The following PELI1 variants were observed in gnomAD, a reference collection of about 807,000 sequenced individuals.
PELI1 encodes E3 ubiquitin-protein ligase pellino homolog 1.
Under a neutral mutation model 41.3 loss-of-function variants are expected in PELI1, and 15 were observed. That is an observed-to-expected ratio of 0.36 (90% CI 0.24 to 0.56). The LOEUF (loss-of-function observed/expected upper bound fraction) is 0.56, where lower values mean the gene tolerates loss of function less well. Ranked by LOEUF, PELI1 falls within the 20% of genes least tolerant of loss-of-function variation. The probability of loss-of-function intolerance (pLI) is 0.82; values close to 1 mark genes in which losing one functional copy is unlikely to be tolerated. For missense variants in PELI1, 403 were observed against 525.5 expected (o/e 0.77, Z 2.28); for synonymous variants, 178 against 180.1 (o/e 0.99, Z 0.09).
In PELI1 at chr2:64,118,169, C is replaced by A. The variant is rs987204586; in HGVS notation, c.-69-9790G>T. On this transcript the variant is annotated intron_variant, in intron 1 of 6. Coordinates refer to ENST00000358912, the MANE Select transcript of PELI1 (RefSeq NM_020651.4). The stretch of plus-strand genomic sequence containing the variant: ...CACTCAGTATGATATTCTTATTTAA[C>A]CCTTTTCATTAAGAAAACAATAAAT... Among the ~76,000 whole-genome samples the A allele has an allele frequency of 7.2e-5, 11 of 152,184 alleles. No individual in the cohort carries two copies. The South Asian group carries it at 1.5e-3, about 20-fold the overall frequency.
intron 6 of PELI1, 88 bp from the exon 7 acceptor site, chr2:64,095,356 A>G (rs1680198784): frequency 1.4e-6 from 1 of 736,440 alleles, no homozygotes; most frequent in Non-Finnish European, 2.3e-6. Flanking sequence ...TCCTTACTCA[A>G]GAAATGAGGT....
At chr2:64,120,480 C>G (rs1220532811) in intron 1 of PELI1, among the ~76,000 whole-genome samples, 1 of 152,220 alleles carries the variant, frequency 6.6e-6, no homozygotes, top group East Asian at 1.9e-4. Flanking sequence ...ATAATCTCCA[C>G]CCATTAAAGT....
chr2:64,137,882 T>C (rs958411997), intron 1 of PELI1, among the ~76,000 whole-genome samples: 1 of 152,210 alleles, frequency 6.6e-6, no homozygotes, highest in Non-Finnish European at 1.5e-5. Context: ...AAATTTTTTT[T>C]TCTAAAAATA....
At chr2:64,127,076 T>A (rs1411820563) in intron 1 of PELI1, among the ~76,000 whole-genome samples, 1 of 152,208 alleles carries the variant, frequency 6.6e-6, no homozygotes, top group Non-Finnish European at 1.5e-5. Context: ...CTCTTTATAC[T>A]CTTAGAAAGA....
chr2:64,101,858 C>T (rs370037344), intron 3 of PELI1, among the ~76,000 whole-genome samples: 8 of 134,298 alleles, frequency 6.0e-5, no homozygotes, highest in Non-Finnish European at 9.1e-5. Flanking sequence ...GACAGAGTCT[C>T]GCTCTGTCGC....
In PELI1 at chr2:64,095,049, GT is replaced by G; in HGVS notation, c.909del (p.Lys303AsnfsTer7). 1 of 1,614,148 alleles carries G rather than the reference GT, an allele frequency of 6.2e-7. No individual in the cohort carries two copies. Among genetic ancestry groups the G allele is most frequent in the Non-Finnish European group, 8.5e-7 (1 of 1,179,976 alleles). ...SMKRKDVVDE[K>X]QPWVYLNCGH... ...CCGCAGTTTAGATATACCCATGGTT[GT>G]TTTTCATCTACAACGTCTTTCCTCT... On this transcript the variant is annotated frameshift_variant, in exon 7 of 7. Coordinates refer to ENST00000358912, the MANE Select transcript of PELI1 (RefSeq NM_020651.4). LOFTEE classifies it high-confidence loss of function.
intron 2 of PELI1, among the ~76,000 whole-genome samples, chr2:64,105,743 T>C (rs191853124): frequency 1.5e-4 from 23 of 152,340 alleles, no homozygotes; most frequent in Non-Finnish European, 2.2e-4. Context: ...TACTGCTTCA[T>C]TGAGGCATGA....
intron 3 of PELI1, among the ~76,000 whole-genome samples, chr2:64,102,259 A>G (rs1680465165): frequency 7.0e-6 from 1 of 142,428 alleles, no homozygotes; most frequent in South Asian, 2.2e-4. Flanking sequence ...CATGTTTTAC[A>G]TATTTCTTTC....
intron 1 of PELI1, among the ~76,000 whole-genome samples, chr2:64,138,877 A>C (rs1222193084): frequency 6.6e-6 from 1 of 152,228 alleles, no homozygotes; most frequent in Non-Finnish European, 1.5e-5. Flanking sequence ...AAACATACAC[A>C]AAAATAAAGA....
At chr2:64,119,306 C>T (rs1278423799) in intron 1 of PELI1, among the ~76,000 whole-genome samples, 1 of 152,156 alleles carries the variant, frequency 6.6e-6, no homozygotes. Flanking sequence ...TCAAATTATT[C>T]CCTTTGCAAG....
chr2:64,107,438 G>C (rs998935939), intron 2 of PELI1, among the ~76,000 whole-genome samples: 1 of 152,154 alleles, frequency 6.6e-6, no homozygotes, highest in African/African-American at 2.4e-5. Context: ...GCTAGGTCCT[G>C]GGCTTCAGAG....
intron 1 of PELI1, among the ~76,000 whole-genome samples, chr2:64,114,057 T>A (rs939789990): frequency 3.3e-5 from 5 of 152,120 alleles, no homozygotes; most frequent in Admixed American, 3.3e-4. Context: ...GCACTTCTAT[T>A]TTAGTGGGCA....
intron 1 of PELI1, among the ~76,000 whole-genome samples, chr2:64,121,429 A>G (rs1681205519): frequency 2.0e-5 from 3 of 152,210 alleles, no homozygotes; most frequent in African/African-American, 7.2e-5. Context: ...GGAAACCAAG[A>G]TATCAATAGT....
intron 1 of PELI1, among the ~76,000 whole-genome samples, chr2:64,131,994 T>C (rs866702661): frequency 6.6e-6 from 1 of 152,210 alleles, no homozygotes; most frequent in Non-Finnish European, 1.5e-5. Context: ...TTTTTCACTA[T>C]GGTAAGTTTG....
chr2:64,095,295 T>C (rs781074726), intron 6 of PELI1, 27 bp from the exon 7 acceptor site: 2 of 1,501,992 alleles, frequency 1.3e-6, no homozygotes, highest in South Asian at 2.3e-5. Flanking sequence ...TTGAAAAACA[T>C]ATTCACCACT....
chr2:64,113,888 C>T (rs6742704), intron 1 of PELI1, among the ~76,000 whole-genome samples: 1,583 of 152,098 alleles, frequency 0.01, 26 homozygotes, highest in African/African-American at 0.035. Context: ...TGTCTCTCAA[C>T]CTAACAAATG....
intron 1 of PELI1, among the ~76,000 whole-genome samples, chr2:64,132,912 C>G (rs933837550): frequency 6.6e-6 from 1 of 152,072 alleles, no homozygotes; most frequent in African/African-American, 2.4e-5. Context: ...ATAATATGAT[C>G]CTTAGGTAAT....
At position 64,096,425 on chromosome 2, in the gene PELI1, GT is replaced by G. The variant is rs1558470694; in HGVS notation, c.488del (p.Asn163ThrfsTer21). On this transcript the variant is annotated frameshift_variant, in exon 5 of 7. Coordinates refer to ENST00000358912, the MANE Select transcript of PELI1 (RefSeq NM_020651.4). LOFTEE classifies it high-confidence loss of function. ...IYAAGFDSSKNIFLGEKAAKW... is the reference protein window; with the variant it reads ...IYAAGFDSSKXIFLGEKAAKW... Reference sequence around the variant, plus strand: ...AAAAGCTTTTTACCCCAAGAAAGATGTTTTTTGATGAGTCAAATCCTGCAGC... The same window carrying G: ...AAAAGCTTTTTACCCCAAGAAAGATGTTTTTGATGAGTCAAATCCTGCAGC... 3 of 1,608,488 alleles carry G rather than the reference GT, an allele frequency of 1.9e-6. No individual in the cohort carries two copies. Among genetic ancestry groups the G allele is most frequent in the Non-Finnish European group, 1.7e-6 (2 of 1,175,704 alleles).
intron 1 of PELI1, among the ~76,000 whole-genome samples, chr2:64,112,198 TTGGCTGACATTAGTATATCACA>T (rs1680827625): frequency 6.6e-6 from 1 of 152,190 alleles, no homozygotes. Context: ...ATGCCCGTAT[TTGGCTGACATTAGTATATCACA>T]TGGCTAGCAA....
Sources: allele counts gnomAD v4.1 joint callset (sites outside exome capture counted in the v4.1 genomes callset), GRCh38; gene constraint gnomAD v4.1.1; transcripts MANE v1.5; gene names NCBI Gene and HGNC (gene_info 2026-07-23, HGNC 2026-07-21).